ERCC6: variants seen among roughly 807,000 people sequenced by gnomAD.
ERCC6 encodes DNA excision repair protein ERCC-6.
In ERCC6, 116 loss-of-function variants were observed where a neutral mutation model predicts 158.7. The observed-to-expected ratio is 0.73, with a 90% CI of 0.63 to 0.85. ERCC6 has a LOEUF of 0.85. Among genes scored for constraint, ERCC6 ranks in the 40% least tolerant of loss-of-function variants. ERCC6 has a pLI of 0.00. For missense variants in ERCC6, 1,698 were observed against 1,799.4 expected (o/e 0.94, Z 1.02); for synonymous variants, 678 against 659.3 (o/e 1.03, Z -0.43).
At chr10:49,453,126 T>C (rs780965738), downstream of ERCC6, among the ~76,000 whole-genome samples, 11 of 152,156 alleles carry the variant, frequency 7.2e-5, no homozygotes, top group Non-Finnish European at 1.0e-4. Context: ...CTTTTAATAT[T>C]GCCTTTTGCA....
chr10:49,517,578 T>C (rs1408073614), intron 5 of ERCC6, among the ~76,000 whole-genome samples: 2 of 152,178 alleles, frequency 1.3e-5, no homozygotes, highest in East Asian at 1.9e-4. Context: ...AGTGTAACTT[T>C]TTCTTTCAAC....
chr10:49,475,281 G>T, intron 12 of ERCC6: 2 of 318,962 alleles, frequency 6.3e-6, no homozygotes, highest in Non-Finnish European at 6.2e-6. Context: ...ATATTAAAAT[G>T]TATTTTAGAT....
At chr10:49,448,167 G>T in the ERCC6 span, among the ~76,000 whole-genome samples, 1 of 152,138 alleles carries the variant, frequency 6.6e-6, no homozygotes, top group East Asian at 1.9e-4. Flanking sequence ...AATGTATAAA[G>T]GTTTGCTTAT....
intron 11 of ERCC6, among the ~76,000 whole-genome samples, chr10:49,476,659 C>A (rs970206025): frequency 3.9e-5 from 6 of 152,116 alleles, no homozygotes; most frequent in African/African-American, 1.4e-4. Context: ...ATGCTCTACT[C>A]GGCAGACCTG....
chr10:49,490,103 C>T (rs1401855637), intron 8 of ERCC6, among the ~76,000 whole-genome samples: 1 of 152,150 alleles, frequency 6.6e-6, no homozygotes, highest in Non-Finnish European at 1.5e-5. Context: ...AAAAGAGATT[C>T]AGAAGCCTAA....
At chr10:49,493,391 T>G (rs1851210768) in intron 7 of ERCC6, 139 bp from the exon 8 acceptor site, 3 of 1,121,828 alleles carry the variant, frequency 2.7e-6, no homozygotes, top group Non-Finnish European at 3.8e-6. Flanking sequence ...ATTGATATTT[T>G]CTTTAAGAAA....
At position 49,532,542 on chromosome 10, in the gene ERCC6, C is replaced by T. The variant is rs1198472093; in HGVS notation, c.422+1G>A. The T allele has an allele frequency of 3.7e-6, 6 of 1,613,632 alleles. No homozygotes were observed. The African/African-American group carries it at 4.0e-5, about 11-fold the overall frequency. On this transcript the variant is annotated splice_donor_variant, in intron 2 of 20. Transcript: ENST00000355832. LOFTEE classifies it high-confidence loss of function. ...AAAGGAAGAAGATGGGCTGCACTCA[C>T]GTGAGGTCATCCAGGACCGACCGAT...
intron 11 of ERCC6, among the ~76,000 whole-genome samples, chr10:49,477,523 T>C (rs1032651909): frequency 2.0e-5 from 3 of 152,202 alleles, no homozygotes; most frequent in African/African-American, 7.2e-5. Context: ...TTGATGCCAC[T>C]GAGGCATCAC....
chr10:49,516,544 C>G (rs1330494733), intron 5 of ERCC6: 8 of 1,614,020 alleles, frequency 5.0e-6, no homozygotes, highest in Non-Finnish European at 6.8e-6. Context: ...GAGACATAAC[C>G]ACTCAGAAAA....
chr10:49,470,476 G>A lies in ERCC6; in HGVS notation c.3484C>T (p.Gln1162Ter). ...TCCCAAAAAGCTTCTGTTTGAGCCT[G>A]GCTGGGTCTTTCTCTTTTGTAAGAA... The part of the protein sequence containing the change: ...GLSYKRERPS[Q>*]AQTEAFWENK... The change falls in exon 18 of 21, where the codon CAG becomes TAG. Residue 1162 changes from glutamine to a stop codon, truncating the protein, a stop_gained. Transcript: ENST00000355832. LOFTEE classifies it high-confidence loss of function. The A allele has an allele frequency of 6.2e-7, 1 of 1,614,102 alleles. No individual in the cohort carries two copies. The highest frequency in any genetic ancestry group is 8.5e-7 in the Non-Finnish European group (1 of 1,180,004).
At chr10:49,503,791 A>C (rs755032276) in intron 6 of ERCC6, 3 of 152,318 alleles carry the variant, frequency 2.0e-5, no homozygotes, top group Admixed American at 6.5e-5. Context: ...GGACAGTTAA[A>C]GATTTTTATG....
chr10:49,453,082 T>C (rs929497765), downstream of ERCC6, among the ~76,000 whole-genome samples: 1 of 152,156 alleles, frequency 6.6e-6, no homozygotes, highest in Non-Finnish European at 1.5e-5. Context: ...CATTACTTTT[T>C]GTTTTCTAGT....
rs370105701 is a variant in ERCC6 at position 49,476,298 on chromosome 10, G to A, written c.2299C>T (p.Arg767Cys). Residue 767 changes from arginine to cysteine, a missense_variant, in exon 12 of 21, where the codon CGT becomes TGT. Coordinates refer to ENST00000355832, the MANE Select transcript of ERCC6 (RefSeq NM_000124.4). ...PDKNEQVLFC[R>C]LTDEQHKVYQ... ...ACTTTATGCTGCTCATCTGTAAGAC[G>A]GCAAAATAAGACCTACGGACGGGAA... is the stretch of plus-strand genomic sequence containing the variant. 1.8e-4 allele frequency: 289 copies of A among 1,611,992 alleles called. No individual in the cohort carries two copies. Among genetic ancestry groups the A allele is most frequent in the Non-Finnish European group, 2.3e-4 (276 of 1,178,680 alleles).
In ERCC6 at chr10:49,493,233, T is replaced by C. The variant is rs751786870; in HGVS notation, c.1705A>G (p.Thr569Ala). 38 of 1,614,140 alleles carry C rather than the reference T, an allele frequency of 2.4e-5. No homozygotes were observed. The highest frequency in any genetic ancestry group is 4.5e-5 in the East Asian group (2 of 44,872). The change falls in exon 8 of 21, where the codon ACT becomes GCT. Residue 569 changes from threonine to alanine, a missense_variant. By Grantham distance (58) the Thr-to-Ala change is moderately conservative. Transcript: ENST00000355832. ...ACTGTTGTTGGACAGACAATTACAG[T>C]TGGACCCAACCCCTCAAACCTGCAT... The part of the protein sequence containing the change: ...SNYRFEGLGP[T>A]VIVCPTTVMH...
intron 14 of ERCC6, 119 bp from the exon 15 acceptor site, chr10:49,473,147 T>C (rs1850811652): frequency 7.3e-7 from 1 of 1,377,366 alleles, no homozygotes; most frequent in Non-Finnish European, 1.0e-6. Context: ...TAAGGAATGG[T>C]AATGTCCTAG....
chr10:49,478,728 T>C (rs1850923259), intron 10 of ERCC6, among the ~76,000 whole-genome samples: 1 of 152,168 alleles, frequency 6.6e-6, no homozygotes, highest in Admixed American at 6.5e-5. Flanking sequence ...GAAAAACTGA[T>C]AATTTTGTGC....
chr10:49,500,648 C>T lies in ERCC6; in HGVS notation c.1575G>A (p.Gln525=), dbSNP rs36032377. Residue 525 remains glutamine (Q), a synonymous_variant, in exon 7 of 21, where the codon CAG becomes CAA. Coordinates refer to ENST00000355832, the MANE Select transcript of ERCC6 (RefSeq NM_000124.4). ...VRWLWELHCQ[Q]AGGILGDEMG... Reference sequence around the variant, plus strand: ...TTTCATCTCCCAGAATTCCTCCTGCCTGCTGGCAGTGCAATTCCCACAGCC... The same window carrying T: ...TTTCATCTCCCAGAATTCCTCCTGCTTGCTGGCAGTGCAATTCCCACAGCC... 2.5e-5 allele frequency: 41 copies of T among 1,614,016 alleles called. No individual in the cohort carries two copies. In the African/African-American group the frequency reaches 4.4e-4, roughly 17 times the overall value.
intron 18 of ERCC6, among the ~76,000 whole-genome samples, chr10:49,465,336 T>C (rs1220627136): frequency 1.3e-5 from 2 of 152,208 alleles, no homozygotes; most frequent in Non-Finnish European, 2.9e-5. Flanking sequence ...TGTAACCCTA[T>C]TGTATCTAGG....
rs1035287026 is a variant in ERCC6 at position 49,456,941 on chromosome 10, T to C, written c.*1874A>G. On this transcript the variant is annotated 3_prime_UTR_variant, in exon 21 of 21. Coordinates refer to ENST00000355832, the MANE Select transcript of ERCC6 (RefSeq NM_000124.4). ...GACAAAAACTGGAACAAGGACCACC[T>C]TGCTCCTACTGCATTATAGCTTTTG... is the stretch of plus-strand genomic sequence containing the variant. The C allele has an allele frequency of 6.6e-6, 1 of 152,192 alleles. No homozygotes were observed. Among genetic ancestry groups the C allele is most frequent in the Non-Finnish European group, 1.5e-5 (1 of 68,038 alleles). 9.4% of individuals were successfully genotyped at this position (152,192 alleles called of 1,614,324 possible).
Sources: allele counts gnomAD v4.1 joint callset (sites outside exome capture counted in the v4.1 genomes callset), GRCh38; gene constraint gnomAD v4.1.1; transcripts MANE v1.5; gene names NCBI Gene and HGNC (gene_info 2026-07-23, HGNC 2026-07-21).